The following TRIP12 variants were observed in gnomAD, a reference collection of about 807,000 sequenced individuals.
The protein encoded by TRIP12 is thyroid hormone receptor interactor 12.
TRIP12 carries 25 observed loss-of-function variants against 244.2 expected under a neutral mutation model. The ratio of observed to expected loss-of-function variants is 0.10; its 90% CI spans 0.07 to 0.14. The LOEUF (loss-of-function observed/expected upper bound fraction) is 0.14. Among genes scored for constraint, TRIP12 ranks in the 10% least tolerant of loss-of-function variants. TRIP12 has a pLI of 1.00. For synonymous variants in TRIP12, 905 were observed against 873.1 expected (o/e 1.04, Z -0.64); for missense variants, 1,677 against 2,486.4 (o/e 0.67, Z 6.92).
chr2:229,880,167 C>T (rs944713952), intron 1 of TRIP12, 39 bp from the exon 2 acceptor site: 2 of 1,247,696 alleles, frequency 1.6e-6, no homozygotes, highest in South Asian at 1.3e-5. Flanking sequence ...ATCAGATGTA[C>T]AAAATACAAT....
intron 38 of TRIP12, 91 bp from the exon 39 acceptor site, chr2:229,771,723 G>A: frequency 2.3e-6 from 2 of 866,748 alleles, no homozygotes; most frequent in Non-Finnish European, 3.7e-6. Context: ...ACACCCTTCT[G>A]GATCACTTTA....
chr2:229,774,448 G>C (rs1001845452), intron 37 of TRIP12, among the ~76,000 whole-genome samples, 187 bp from the exon 38 acceptor site: 10 of 152,188 alleles, frequency 6.6e-5, no homozygotes, highest in African/African-American at 2.4e-4. Context: ...TACAAAGGAA[G>C]TAAGCATAAG....
At chr2:229,771,145 G>A (rs76499596) in intron 39 of TRIP12, among the ~76,000 whole-genome samples, 9 of 152,144 alleles carry the variant, frequency 5.9e-5, no homozygotes, top group Non-Finnish European at 8.8e-5. Flanking sequence ...TCATCGAAAC[G>A]AAGTTTAGTT....
chr2:229,771,190 T>C (rs2034188384), intron 39 of TRIP12, among the ~76,000 whole-genome samples: 1 of 152,242 alleles, frequency 6.6e-6, no homozygotes, highest in African/African-American at 2.4e-5. Context: ...ATGTCTCTCT[T>C]TGCTTCCACA....
chr2:229,791,331 C>G, intron 29 of TRIP12, 80 bp from the exon 30 acceptor site: 1 of 1,483,412 alleles, frequency 6.7e-7, no homozygotes, highest in Admixed American at 1.7e-5. Flanking sequence ...ACAGACACCA[C>G]AGTTACCAGA....
At chr2:229,881,637 A>T (rs1182846201) in intron 1 of TRIP12, among the ~76,000 whole-genome samples, 1 of 152,208 alleles carries the variant, frequency 6.6e-6, no homozygotes, top group Non-Finnish European at 1.5e-5. Flanking sequence ...TCAAATTACT[A>T]ATTTAAGGAT....
At chr2:229,776,555 T>C (rs1407157721) in intron 37 of TRIP12, among the ~76,000 whole-genome samples, 1 of 152,142 alleles carries the variant, frequency 6.6e-6, no homozygotes, top group Non-Finnish European at 1.5e-5. Context: ...CCCTCTACCA[T>C]AAGATCCTCT....
intron 2 of TRIP12, among the ~76,000 whole-genome samples, chr2:229,872,246 T>C (rs189952279): frequency 6.8e-5 from 10 of 147,328 alleles, no homozygotes; most frequent in East Asian, 2.0e-4. Context: ...CTGGGCAACA[T>C]AGCGAGACCC....
intron 1 of TRIP12, chr2:229,900,912 T>C (rs1034668147): frequency 4.6e-5 from 7 of 151,114 alleles, no homozygotes; most frequent in Non-Finnish European, 7.4e-5. Flanking sequence ...TTGTATGGCA[T>C]GTGAATTATA....
At chr2:229,836,624 G>A (rs2054891054) in intron 6 of TRIP12, among the ~76,000 whole-genome samples, 1 of 152,170 alleles carries the variant, frequency 6.6e-6, no homozygotes, top group Non-Finnish European at 1.5e-5. Flanking sequence ...CTTAAACAGA[G>A]TTTGCTTCTT....
At chr2:229,776,385 A>C (rs545162738) in intron 37 of TRIP12, among the ~76,000 whole-genome samples, 2 of 152,322 alleles carry the variant, frequency 1.3e-5, no homozygotes, top group South Asian at 4.1e-4. Context: ...AAATTCTAAA[A>C]TGACAAATTC....
chr2:229,861,431 C>T (rs1345858373), intron 2 of TRIP12, among the ~76,000 whole-genome samples: 1 of 152,066 alleles, frequency 6.6e-6, no homozygotes, highest in Non-Finnish European at 1.5e-5. Context: ...GTAACAAATG[C>T]AATTTATGTA....
chr2:229,901,591 C>A (rs1308010122), intron 1 of TRIP12, among the ~76,000 whole-genome samples: 1 of 148,770 alleles, frequency 6.7e-6, no homozygotes. Context: ...CCACTGCACT[C>A]CAGCCTGGGT....
At chr2:229,790,539 G>A (rs1339051290) in intron 30 of TRIP12, among the ~76,000 whole-genome samples, 11 of 129,744 alleles carry the variant, frequency 8.5e-5, no homozygotes. Context: ...GGAGCAGGGG[G>A]AGGGGGGGGT....
At chr2:229,839,997 A>G (rs1178993575) in intron 5 of TRIP12, among the ~76,000 whole-genome samples, 1 of 152,342 alleles carries the variant, frequency 6.6e-6, no homozygotes, top group East Asian at 1.9e-4. Flanking sequence ...TATAAAAATT[A>G]AGTACATTTC....
At chr2:229,918,443 T>C (rs2075910250) in intron 1 of TRIP12, among the ~76,000 whole-genome samples, 1 of 152,230 alleles carries the variant, frequency 6.6e-6, no homozygotes, top group African/African-American at 2.4e-5. Flanking sequence ...CTAGGTTCTG[T>C]AAAGAAAACA....
At chr2:229,837,007 T>C (rs1456625165) in intron 5 of TRIP12, 23 bp from the exon 6 acceptor site, 2 of 1,511,440 alleles carry the variant, frequency 1.3e-6, no homozygotes, top group African/African-American at 1.4e-5. Context: ...AATGTCATCA[T>C]GGGCAGCATT....
chr2:229,779,837 G>C (rs2037513872), intron 34 of TRIP12, among the ~76,000 whole-genome samples: 1 of 152,282 alleles, frequency 6.6e-6, no homozygotes, highest in South Asian at 2.1e-4. Context: ...TGAGACACCT[G>C]ATGTGGACAT....
intron 1 of TRIP12, among the ~76,000 whole-genome samples, chr2:229,902,819 T>G (rs1281339958): frequency 6.6e-6 from 1 of 152,072 alleles, no homozygotes; most frequent in Non-Finnish European, 1.5e-5. Flanking sequence ...GAAAAGAAAA[T>G]AGAGCATGCA....
Sources: allele counts gnomAD v4.1 joint callset (sites outside exome capture counted in the v4.1 genomes callset), GRCh38; gene constraint gnomAD v4.1.1; transcripts MANE v1.5; gene names NCBI Gene and HGNC (gene_info 2026-07-23, HGNC 2026-07-21).